The following CHKA variants were observed in gnomAD, a reference collection of about 807,000 sequenced individuals.
CHKA encodes the protein CHETK-alpha.
Under a neutral mutation model 60.1 loss-of-function variants are expected in CHKA, and 34 were observed. The observed-to-expected ratio is 0.57, with a 90% CI of 0.43 to 0.75. The LOEUF is 0.75. Ranked by LOEUF, CHKA falls within the 30% of genes least tolerant of loss-of-function variation. The probability of loss-of-function intolerance (pLI) is 0.00; values close to 1 mark genes in which losing one functional copy is unlikely to be tolerated. For synonymous variants in CHKA, 217 were observed against 223.1 expected (o/e 0.97, Z 0.24); for missense variants, 563 against 561.3 (o/e 1.00, Z -0.03).
At chr11:68,120,323 G>A (rs1169801362) in intron 1 of CHKA, among the ~76,000 whole-genome samples, 2 of 152,014 alleles carry the variant, frequency 1.3e-5, no homozygotes, top group Non-Finnish European at 2.9e-5. Context: ...CTATAGTGAT[G>A]TCTCTTAGGG....
chr11:68,064,108 G>A (rs897778878), intron 10 of CHKA, among the ~76,000 whole-genome samples: 32 of 152,124 alleles, frequency 2.1e-4, no homozygotes, highest in Non-Finnish European at 4.7e-4. Context: ...AAAGATGTAC[G>A]ATTAAAAAGA....
chr11:68,091,819 A>G (rs888413695), intron 2 of CHKA, among the ~76,000 whole-genome samples: 1 of 152,242 alleles, frequency 6.6e-6, no homozygotes, highest in African/African-American at 2.4e-5. Context: ...TTTGCTGATC[A>G]AAGAACGTGT....
intron 1 of CHKA, among the ~76,000 whole-genome samples, chr11:68,104,539 G>C (rs777764376): frequency 6.6e-6 from 1 of 151,932 alleles, no homozygotes; most frequent in Non-Finnish European, 1.5e-5. Context: ...TCATGCATTA[G>C]TCTCCTGAGT....
At chr11:68,107,321 C>CT (rs529972110) in intron 1 of CHKA, among the ~76,000 whole-genome samples, 21 of 152,174 alleles carry the variant, frequency 1.4e-4, no homozygotes, top group East Asian at 5.8e-4. Context: ...TATTCCTCTA[C>CT]TTTTTTTATC....
chr11:68,084,410 G>A (rs1408947499), intron 2 of CHKA, among the ~76,000 whole-genome samples: 3 of 70,382 alleles, frequency 4.3e-5, no homozygotes, highest in African/African-American at 1.6e-4. Flanking sequence ...ACGTATATAT[G>A]TGTATATATA....
At chr11:68,078,947 TA>T (rs1856880485) in intron 3 of CHKA, among the ~76,000 whole-genome samples, 3 of 152,014 alleles carry the variant, frequency 2.0e-5, no homozygotes, top group African/African-American at 7.3e-5. Context: ...ATATTATTAT[TA>T]TTATTTTTTT....
intron 1 of CHKA, among the ~76,000 whole-genome samples, chr11:68,107,220 C>T (rs1857946598): frequency 6.6e-6 from 1 of 152,028 alleles, no homozygotes; most frequent in South Asian, 2.1e-4. Flanking sequence ...CCACTGCACT[C>T]CAACCTGGGT....
chr11:68,070,806 T>G lies in CHKA; in HGVS notation c.682A>C (p.Ile228Leu). 1 of 1,613,196 alleles carries G rather than the reference T, an allele frequency of 6.2e-7. No homozygotes were observed. Among genetic ancestry groups the G allele is most frequent in the Non-Finnish European group, 8.5e-7 (1 of 1,179,154 alleles). ...TGAAATGTAGCCATTTTCTCGGCGA[T>G]TTCTGCAGAAATATCTGGCAAACTT... ...ELSLPDISAE[I>L]AEKMATFHGM... Residue 228 changes from isoleucine to leucine, a missense_variant, in exon 5 of 12, where the codon ATC becomes CTC. Ile to Leu is a conservative substitution (Grantham distance 5). Coordinates refer to ENST00000265689, the MANE Select transcript of CHKA (RefSeq NM_001277.3).
At chr11:68,081,521 G>T (rs1856987992) in intron 2 of CHKA, 64 bp from the exon 3 acceptor site, 2 of 1,291,706 alleles carry the variant, frequency 1.5e-6, no homozygotes, top group Admixed American at 1.7e-5. Context: ...CACTAACTTT[G>T]CAACCACCAG....
rs1425601376 is a variant in CHKA at position 68,105,606 on chromosome 11, G to GT, written c.351-8477dup. Among the ~76,000 whole-genome samples, 8 of 151,548 alleles carry GT rather than the reference G, an allele frequency of 5.3e-5. No homozygotes were observed. In the East Asian group the frequency reaches 1.4e-3, roughly 26 times the overall value. ...CATCTACCTATTTTTAATTATTTGG[G>GT]TTTTTTCCCCTGTCATTTTTAGCAA... On this transcript the variant is annotated intron_variant, in intron 1 of 11. Coordinates refer to ENST00000265689, the MANE Select transcript of CHKA (RefSeq NM_001277.3).
intron 1 of CHKA, among the ~76,000 whole-genome samples, chr11:68,111,437 G>C (rs1360123123): frequency 6.6e-6 from 1 of 151,274 alleles, no homozygotes; most frequent in African/African-American, 2.4e-5. Context: ...AAATGAGCCA[G>C]GTATGGTGGT....
intron 4 of CHKA, among the ~76,000 whole-genome samples, chr11:68,073,648 G>A (rs559563150): frequency 2.8e-4 from 42 of 152,286 alleles, no homozygotes; most frequent in African/African-American, 1.0e-3. Flanking sequence ...TACCTCTTCT[G>A]GGGAGACAGA....
chr11:68,054,119 TCCCCA>T (rs758224261), intron 11 of CHKA, 72 bp from the exon 12 acceptor site: 7 of 1,319,930 alleles, frequency 5.3e-6, no homozygotes, highest in Non-Finnish European at 7.5e-6. Context: ...TGTCCCCCAA[TCCCCA>T]CCCCAGGCAA....
chr11:68,060,562 C>T (rs944720675), intron 11 of CHKA, among the ~76,000 whole-genome samples: 1 of 152,196 alleles, frequency 6.6e-6, no homozygotes, highest in Non-Finnish European at 1.5e-5. Flanking sequence ...CCAACCACCT[C>T]GGCCTCCCAA....
chr11:68,053,977 CCT>C lies in CHKA; in HGVS notation c.*9_*10del. The C allele has an allele frequency of 6.2e-7, 1 of 1,612,492 alleles. No individual in the cohort carries two copies. The highest frequency in any genetic ancestry group is 8.5e-7 in the Non-Finnish European group (1 of 1,179,026). On this transcript the variant is annotated 3_prime_UTR_variant, in exon 12 of 12. Coordinates refer to ENST00000265689, the MANE Select transcript of CHKA (RefSeq NM_001277.3). ...AGTCCAGTGATGAGGTGGATGGAGT[CCT>C]CCCCACAGTCACACCCCAAGCTTCC...
chr11:68,073,892 C>T lies in CHKA; in HGVS notation c.630+825G>A, dbSNP rs115071965. On this transcript the variant is annotated intron_variant, in intron 4 of 11. Transcript: ENST00000265689. ...ATGATTCTAGTCCTCAAGGAACTTA[C>T]GCTCAATGAAAATGGGGAATATCTG... is the stretch of plus-strand genomic sequence containing the variant. 1.7e-3 allele frequency among the ~76,000 whole-genome samples: 265 copies of T among 152,264 alleles called. 2 individuals are homozygous for T. The highest frequency in any genetic ancestry group is 6.1e-3 in the African/African-American group (252 of 41,546).
At chr11:68,113,410 T>C (rs1282599315) in intron 1 of CHKA, among the ~76,000 whole-genome samples, 3 of 152,142 alleles carry the variant, frequency 2.0e-5, no homozygotes, top group East Asian at 1.9e-4. Flanking sequence ...TAAAATAAGA[T>C]ACCTGACTGG....
intron 1 of CHKA, among the ~76,000 whole-genome samples, chr11:68,104,697 C>T (rs533414375): frequency 5.3e-5 from 8 of 152,142 alleles, no homozygotes; most frequent in Admixed American, 5.2e-4. Flanking sequence ...GCTGGGATAA[C>T]AGGCGTGAGC....
Position 68,121,234 on chromosome 11 carries a change from G to C in CHKA, c.-57C>G. On this transcript the variant is annotated 5_prime_UTR_variant, in exon 1 of 12. Transcript: ENST00000265689. ...CCGCAGCGCGAGAGGACTAGGCTCA[G>C]AGTCCGGCCGGGCGCCCCCTCGCCG... 9.2e-7 allele frequency: 1 copy of C among 1,081,848 alleles called. No homozygotes were observed. The highest frequency in any genetic ancestry group is 1.1e-6 in the Non-Finnish European group (1 of 891,714). The allele number at this position is 1,081,848 out of a possible 1,614,324, so 67.0% of individuals were successfully genotyped here. A position where few individuals can be genotyped will look rare whatever the true frequency, so the allele number is the denominator to read the frequency against.
Sources: gnomAD v4.1 joint callset for allele counts (sites outside exome capture counted in the v4.1 genomes callset) on GRCh38, gnomAD v4.1.1 for gene constraint, MANE v1.5 for transcripts, NCBI Gene and HGNC (gene_info 2026-07-23, HGNC 2026-07-21) for gene names.